CRNKL1: variants seen among roughly 807,000 people sequenced by gnomAD.
The protein encoded by CRNKL1 is crooked neck-like protein 1.
CRNKL1 carries 35 observed loss-of-function variants against 103.7 expected under a neutral mutation model. The ratio of observed to expected loss-of-function variants is 0.34; its 90% CI spans 0.26 to 0.45. The LOEUF (loss-of-function observed/expected upper bound fraction) is 0.45. CRNKL1 is among the 20% of genes least tolerant of loss of function. CRNKL1 has a pLI of 1.00. For synonymous variants in CRNKL1, 267 were observed against 282.6 expected (o/e 0.94, Z 0.55); for missense variants, 645 against 836.0 (o/e 0.77, Z 2.82).
Position 20,050,497 on chromosome 20 carries a change from T to G in CRNKL1, c.177A>C (p.Leu59Phe). 1 of 1,613,800 alleles carries G rather than the reference T, an allele frequency of 6.2e-7. No homozygotes were observed. The change falls in exon 2 of 14, where the codon TTA becomes TTC. Residue 59 changes from leucine (L) to phenylalanine (F), a missense_variant. Leu to Phe is a conservative substitution (Grantham distance 22). Around this residue, in one of 2 missense-constraint regions of CRNKL1, gnomAD observed 63 missense variants for 128.3 expected, o/e 0.49. Transcript: ENST00000536226. ...PQQKITDEEE[L>F]NDYKLRKRKT... is the part of the protein sequence containing the mutation. ...TCCTTTTCCTTAGTTTATAATCATT[T>G]AATTCTTCTTCATCTGTGATCTTCT...
chr20:20,037,590 T>C lies in CRNKL1; in HGVS notation c.1648-19A>G. On this transcript the variant is annotated intron_variant, in intron 12 of 13. Transcript: ENST00000536226. ...TCCATACCTTTAAAAAAAGTTATTA[T>C]TGAACCAAATTAACCATATCACTCA... The C allele has an allele frequency of 6.2e-7, 1 of 1,606,866 alleles. No homozygotes were observed. The highest frequency in any genetic ancestry group is 8.5e-7 in the Non-Finnish European group (1 of 1,177,434).
chr20:20,036,022 G>T lies in CRNKL1; in HGVS notation c.*173C>A. On this transcript the variant is annotated 3_prime_UTR_variant, in exon 14 of 14. Coordinates refer to ENST00000536226, the MANE Select transcript of CRNKL1 (RefSeq NM_001278628.2). The stretch of plus-strand genomic sequence containing the variant: ...CAGCAGTTAAAAAAGTCCTTTACTT[G>T]CAATCCCTACCCCTAGCTAACCCAA... 1 of 647,628 alleles carries T rather than the reference G, an allele frequency of 1.5e-6. No individual in the cohort carries two copies. Among genetic ancestry groups the T allele is most frequent in the Non-Finnish European group, 2.5e-6 (1 of 404,344 alleles). The allele number at this position is 647,628 out of a possible 1,614,324, so 40.1% of individuals were successfully genotyped here.
At chr20:20,051,444 G>A (rs575103252) in intron 1 of CRNKL1, among the ~76,000 whole-genome samples, 1 of 152,248 alleles carries the variant, frequency 6.6e-6, no homozygotes, top group South Asian at 2.1e-4. Flanking sequence ...TTGGACCAGT[G>A]ATGCCCAATA....
upstream of CRNKL1, among the ~76,000 whole-genome samples, chr20:20,054,021 T>TTTG (rs1568779227): frequency 2.0e-5 from 3 of 146,682 alleles, no homozygotes; most frequent in African/African-American, 5.1e-5. Flanking sequence ...TTGTTTTTTT[T>TTTG]TTTTTTTTTT....
Position 20,037,627 on chromosome 20 carries a change from TGTA to T in CRNKL1, c.1648-59_1648-57del, listed in dbSNP as rs767744241. The T allele has an allele frequency of 2.0e-4, 303 of 1,544,426 alleles. 1 individual carries two copies. Among genetic ancestry groups the T allele is most frequent in the Admixed American group, 1.7e-3 (88 of 52,622 alleles). On this transcript the variant is annotated intron_variant, in intron 12 of 13. Coordinates refer to ENST00000536226, the MANE Select transcript of CRNKL1 (RefSeq NM_001278628.2). ...AACCATATCACTCAGAAGATAATAA[TGTA>T]GTAATAATAAAGCGAATTCCCAGTT... is the stretch of plus-strand genomic sequence containing the variant.
Position 20,045,337 on chromosome 20 carries a change from A to G in CRNKL1, c.772T>C (p.Phe258Leu). The G allele has an allele frequency of 6.2e-7, 1 of 1,612,114 alleles. No homozygotes were observed. The highest frequency in any genetic ancestry group is 1.3e-5 in the African/African-American group (1 of 74,930). Reference sequence around the variant, plus strand: ...TTCTGATTTTCTTCAAACTTGGCAAAGGCAACATAAAGGTGCTCATCCATA... The same window carrying G: ...TTCTGATTTTCTTCAAACTTGGCAAGGGCAACATAAAGGTGCTCATCCATA... Reference protein sequence around the residue: ...EHMDEHLYVAFAKFEENQKEF... With the variant: ...EHMDEHLYVALAKFEENQKEF... The change falls in exon 6 of 14, where the codon TTT (phenylalanine) becomes CTT (leucine). Residue 258 changes from phenylalanine to leucine, a missense_variant. By Grantham distance (22) the Phe-to-Leu change is conservative. This residue lies in a region of CRNKL1 where 582 missense variants were observed against 707.7 expected (regional missense o/e 0.82). Coordinates refer to ENST00000536226, the MANE Select transcript of CRNKL1 (RefSeq NM_001278628.2).
In CRNKL1 at chr20:20,041,627, T is replaced by C; in HGVS notation, c.1165-2A>G. ...CACCTGTCTTGTCCTCTCAGGATCC[T>C]GTATTAGGATAAGAAATTTTCACAA... is the stretch of plus-strand genomic sequence containing the variant. On this transcript the variant is annotated splice_acceptor_variant, in intron 8 of 13. Transcript: ENST00000536226. LOFTEE classifies it high-confidence loss of function. The C allele has an allele frequency of 6.2e-7, 1 of 1,610,134 alleles. No homozygotes were observed. Among genetic ancestry groups the C allele is most frequent in the Non-Finnish European group, 8.5e-7 (1 of 1,176,660 alleles).
chr20:20,048,669 C>A (rs571949660), intron 3 of CRNKL1, among the ~76,000 whole-genome samples, 168 bp from the exon 4 acceptor site: 3 of 152,188 alleles, frequency 2.0e-5, no homozygotes, highest in Admixed American at 6.5e-5. Context: ...CTTACAAAGT[C>A]TTATAAAAAG....
chr20:20,050,658 T>A, intron 1 of CRNKL1, 36 bp from the exon 2 acceptor site: 1 of 1,570,552 alleles, frequency 6.4e-7, no homozygotes, highest in East Asian at 2.2e-5. Flanking sequence ...TTTTAGTAGT[T>A]GCTCTTCACA....
chr20:20,041,385 T>C (rs1471057918), intron 9 of CRNKL1, among the ~76,000 whole-genome samples, 181 bp downstream of exon 9: 5 of 152,246 alleles, frequency 3.3e-5, no homozygotes, highest in African/African-American at 9.6e-5. Context: ...ATGCAGGTTG[T>C]CCTCCAACCT....
At chr20:20,038,494 C>T in intron 11 of CRNKL1, 44 bp from the exon 12 acceptor site, 4 of 1,117,454 alleles carry the variant, frequency 3.6e-6, no homozygotes, top group Non-Finnish European at 4.0e-6. Flanking sequence ...ATTTACAAAG[C>T]AGCATGCCCC....
At chr20:20,048,226 T>C (rs1393943251) in intron 4 of CRNKL1, 117 bp downstream of exon 4, 3 of 1,188,266 alleles carry the variant, frequency 2.5e-6, no homozygotes, top group Non-Finnish European at 3.6e-6. Flanking sequence ...ACAGCATTTA[T>C]GTCTGAAGAA....
intron 1 of CRNKL1, among the ~76,000 whole-genome samples, chr20:20,051,992 G>GT (rs1026017330): frequency 6.6e-6 from 1 of 152,244 alleles, no homozygotes; most frequent in Middle Eastern, 3.4e-3. Flanking sequence ...AGTACTGCTT[G>GT]TGGCCAGCGT....
intron 5 of CRNKL1, among the ~76,000 whole-genome samples, chr20:20,046,815 C>T (rs547148660): frequency 5.3e-5 from 8 of 152,314 alleles, no homozygotes; most frequent in African/African-American, 1.9e-4. Flanking sequence ...GCAAGCCTCA[C>T]CTTGTTGGAC....
upstream of CRNKL1, chr20:20,052,479 C>A: frequency 6.2e-7 from 1 of 1,614,252 alleles, no homozygotes; most frequent in South Asian, 1.1e-5. Flanking sequence ...CAGGACTGAC[C>A]TTTGACCTCT....
upstream of CRNKL1, chr20:20,055,912 CAAT>C (rs769264491): frequency 5.4e-6 from 8 of 1,485,054 alleles, no homozygotes; most frequent in South Asian, 9.1e-5. Context: ...GAAATTGAGA[CAAT>C]GAGAGAGAAA....
chr20:20,041,554 G>A lies in CRNKL1; in HGVS notation c.1224+12C>T, dbSNP rs768382611. On this transcript the variant is annotated intron_variant, in intron 9 of 13. Transcript: ENST00000536226. Reference sequence around the variant, plus strand: ...GACCTGTTTGAAATGGAACACTTTAGAGCAAACATACCTTTTTGTGAGGAA... The same window carrying A: ...GACCTGTTTGAAATGGAACACTTTAAAGCAAACATACCTTTTTGTGAGGAA... 3 of 1,604,390 alleles carry A rather than the reference G, an allele frequency of 1.9e-6. No homozygotes were observed. In the South Asian group the frequency reaches 3.3e-5, roughly 18 times the overall value.
Position 20,048,456 on chromosome 20 carries a change from A to G in CRNKL1, c.342T>C (p.Asn114=), listed in dbSNP as rs761196711. The change falls in exon 4 of 14, where the codon AAT becomes AAC. Residue 114 remains asparagine, a synonymous_variant. Transcript: ENST00000536226. ...YERALDVDYR[N]ITLWLKYAEM... is the part of the protein sequence containing the mutation. ...CTGCGTATTTCAGCCAGAGTGTAATATTTCGGTAGTCTACATCTAAAGCAC... is the reference window on the plus strand; with the variant it reads ...CTGCGTATTTCAGCCAGAGTGTAATGTTTCGGTAGTCTACATCTAAAGCAC... 22 of 1,614,140 alleles carry G rather than the reference A, an allele frequency of 1.4e-5. No homozygotes were observed. Among genetic ancestry groups the G allele is most frequent in the Admixed American group, 5.0e-5 (3 of 60,024 alleles).
chr20:20,043,697 C>A, intron 6 of CRNKL1, 35 bp from the exon 7 acceptor site: 1 of 1,583,072 alleles, frequency 6.3e-7, no homozygotes. Flanking sequence ...TTCTATAACA[C>A]AATATTCTCA....
Sources: gnomAD v4.1 joint callset for allele counts (sites outside exome capture counted in the v4.1 genomes callset) on GRCh38, gnomAD v4.1.1 for gene constraint, gnomAD v4.1.1 regional missense constraint, MANE v1.5 for transcripts, NCBI Gene and HGNC (gene_info 2026-07-23, HGNC 2026-07-21) for gene names.